Variants in SPPL2B observed in about 807,000 individuals in gnomAD.
SPPL2B encodes the protein signal peptide peptidase like 2B, also known as signal peptide peptidase-like 2B.
In SPPL2B, 39 loss-of-function variants were observed where a neutral mutation model predicts 59.7. The observed-to-expected ratio is 0.65, with a 90% CI of 0.51 to 0.85. The LOEUF (loss-of-function observed/expected upper bound fraction) is 0.85. SPPL2B is among the 40% of genes least tolerant of loss of function. The probability of loss-of-function intolerance (pLI) is 0.00; values close to 1 mark genes in which losing one functional copy is unlikely to be tolerated. For synonymous variants in SPPL2B, 419 were observed against 370.8 expected (o/e 1.13, Z -1.49); for missense variants, 865 against 849.0 (o/e 1.02, Z -0.23).
At position 2,354,073 on chromosome 19, in the gene SPPL2B, C is replaced by T. The variant is rs1348988728; in HGVS notation, c.*864C>T. The stretch of plus-strand genomic sequence containing the variant: ...GGGAGGGACTGGGTCGTGGGAGGTC[C>T]TGGTAGCTCCCGGCACCCAACCTCG... On this transcript the variant is annotated 3_prime_UTR_variant, in exon 15 of 15. Transcript: ENST00000613503. 1 of 152,250 alleles carries T rather than the reference C, an allele frequency of 6.6e-6. No homozygotes were observed. Among genetic ancestry groups the T allele is most frequent in the Non-Finnish European group, 1.5e-5 (1 of 68,062 alleles). The allele number at this position is 152,250 out of a possible 1,614,324, so 9.4% of individuals were successfully genotyped here.
At position 2,343,254 on chromosome 19, in the gene SPPL2B, C is replaced by G. The variant is rs187824027; in HGVS notation, c.1000C>G (p.Leu334Val). The change falls in exon 9 of 15, where the codon CTC (leucine) becomes GTC (valine). Residue 334 changes from leucine to valine, a missense_variant. Coordinates refer to ENST00000613503, the MANE Select transcript of SPPL2B (RefSeq NM_152988.3). ...LQDALGIAFCLYMLKTIRLPT... is the reference protein window; with the variant it reads ...LQDALGIAFCVYMLKTIRLPT... ...GGATGCCCTGGGCATCGCCTTCTGC[C>G]TCTACATGCTGAAGACCATCCGTCT... 3 of 1,556,500 alleles carry G rather than the reference C, an allele frequency of 1.9e-6. No individual in the cohort carries two copies. The highest frequency in any genetic ancestry group is 2.6e-6 in the Non-Finnish European group (3 of 1,149,658).
At position 2,351,508 on chromosome 19, in the gene SPPL2B, C is replaced by T. The variant is rs753145354; in HGVS notation, c.1429C>T (p.Leu477=). Reference sequence around the variant, plus strand: ...GCGTGGCCAGCCCGCTCTCCTCTACCTGGTGCCCTGCACGCTGGTGACGAG... The same window carrying T: ...GCGTGGCCAGCCCGCTCTCCTCTACTTGGTGCCCTGCACGCTGGTGACGAG... ...MQRGQPALLY[L]VPCTLVTSCA... is the part of the protein sequence containing the mutation. Residue 477 remains leucine, a synonymous_variant, in exon 14 of 15, where the codon CTG becomes TTG. Coordinates refer to ENST00000613503, the MANE Select transcript of SPPL2B (RefSeq NM_152988.3). 9 of 1,611,138 alleles carry T rather than the reference C, an allele frequency of 5.6e-6. No individual in the cohort carries two copies. The highest frequency in any genetic ancestry group is 5.5e-5 in the South Asian group (5 of 91,066).
At chr19:2,349,388 T>A in intron 13 of SPPL2B, among the ~76,000 whole-genome samples, 1 of 96,386 alleles carries the variant, frequency 1.0e-5, no homozygotes, top group African/African-American at 4.2e-5. Context: ...CCGTTCTCTC[T>A]CTCCACACAC....
intron 14 of SPPL2B, among the ~76,000 whole-genome samples, chr19:2,351,896 G>A (rs1231956909): frequency 2.6e-5 from 4 of 152,000 alleles, no homozygotes; most frequent in Non-Finnish European, 4.4e-5. Flanking sequence ...GCTGGGACTC[G>A]GGGGTGCCAT....
At chr19:2,345,445 C>T (rs1969310956) in intron 13 of SPPL2B, 115 bp downstream of exon 13, 3 of 855,484 alleles carry the variant, frequency 3.5e-6, no homozygotes, top group East Asian at 2.6e-5. Flanking sequence ...CTAATTCCAA[C>T]TCTAACACCG....
At chr19:2,340,302 C>T (rs1968950970) in intron 7 of SPPL2B, 130 bp downstream of exon 7, 4 of 749,324 alleles carry the variant, frequency 5.3e-6, no homozygotes, top group Non-Finnish European at 8.4e-6. Flanking sequence ...TCAGTGCTGG[C>T]CTGGGGCTCC....
intron 14 of SPPL2B, among the ~76,000 whole-genome samples, chr19:2,352,638 A>G (rs1368424399): frequency 6.6e-6 from 1 of 152,114 alleles, no homozygotes; most frequent in African/African-American, 2.4e-5. Context: ...CAGAAGGTTC[A>G]GGAGAAGCCG....
Position 2,343,999 on chromosome 19 carries a change from A to G in SPPL2B, c.1073A>G (p.Tyr358Cys). ...CTLLLLVLFLYDIFFVFITPF... is the reference protein window; with the variant it reads ...CTLLLLVLFLCDIFFVFITPF... ...CTGCTGCTGCTGGTGCTGTTCCTCT[A>G]CGACATCTTCTTCGTGTTCATCACG... The change falls in exon 10 of 15, where the codon TAC becomes TGC. Residue 358 changes from tyrosine to cysteine, a missense_variant. Tyr to Cys is a radical substitution (Grantham distance 194, BLOSUM62 -2). Coordinates refer to ENST00000613503, the MANE Select transcript of SPPL2B (RefSeq NM_152988.3). The G allele has an allele frequency of 6.5e-7, 1 of 1,548,226 alleles. No individual in the cohort carries two copies. Among genetic ancestry groups the G allele is most frequent in the Non-Finnish European group, 8.7e-7 (1 of 1,146,630 alleles).
At chr19:2,338,647 C>G (rs376978924) in intron 3 of SPPL2B, 105 bp from the exon 4 acceptor site, 1 of 742,140 alleles carries the variant, frequency 1.3e-6, no homozygotes, top group Non-Finnish European at 2.2e-6. Flanking sequence ...CAGCCTGACC[C>G]GAGCCTCGAG....
chr19:2,340,254 TG>T (rs1444242031), intron 7 of SPPL2B, 82 bp downstream of exon 7: 53 of 1,089,612 alleles, frequency 4.9e-5, no homozygotes, highest in Non-Finnish European at 6.3e-5. Context: ...TAGCCCCCCA[TG>T]GTGCAATATT....
At chr19:2,345,941 G>T (rs956318401) in intron 13 of SPPL2B, among the ~76,000 whole-genome samples, 35 of 152,070 alleles carry the variant, frequency 2.3e-4, no homozygotes, top group African/African-American at 8.2e-4. Flanking sequence ...CTGGGCCTGT[G>T]CCTCCGTCCC....
At chr19:2,350,489 G>A (rs932674577) in intron 13 of SPPL2B, among the ~76,000 whole-genome samples, 1 of 150,732 alleles carries the variant, frequency 6.6e-6, no homozygotes, top group East Asian at 1.9e-4. Context: ...GCTTTCATTC[G>A]CTTGATTCCA....
rs747351384 is a variant in SPPL2B at position 2,339,173 on chromosome 19, C to T, written c.564C>T (p.Ile188=). Residue 188 remains isoleucine, a synonymous_variant, in exon 5 of 15, where the codon ATC becomes ATT. Transcript: ENST00000613503. ...IFIMAVGTVA[I]GGYWAGSRDV... The stretch of plus-strand genomic sequence containing the variant: ...TCATGGCTGTGGGCACCGTCGCCAT[C>T]GGCGGCTACTGGGCCGGGAGTCGGG... 1.5e-5 allele frequency: 24 copies of T among 1,604,498 alleles called. No individual in the cohort carries two copies. The highest frequency in any genetic ancestry group is 2.0e-5 in the Non-Finnish European group (23 of 1,175,838).
chr19:2,337,922 C>T, intron 3 of SPPL2B: 1 of 322,890 alleles, frequency 3.1e-6, no homozygotes. Flanking sequence ...AGACCACACT[C>T]TCTGTGGGGA....
chr19:2,341,171 C>T (rs1969020407), intron 8 of SPPL2B, 157 bp downstream of exon 8: 1 of 708,344 alleles, frequency 1.4e-6, no homozygotes, highest in Admixed American at 2.0e-5. Flanking sequence ...GCTGCTCTGA[C>T]AGGGCTGCGA....
At chr19:2,331,480 A>G (rs1210794530) in intron 1 of SPPL2B, among the ~76,000 whole-genome samples, 3 of 152,092 alleles carry the variant, frequency 2.0e-5, no homozygotes, top group African/African-American at 7.2e-5. Flanking sequence ...GGCCTTTGGA[A>G]GAATTGTTCC....
In SPPL2B at chr19:2,328,684, G is replaced by C; in HGVS notation, c.-26G>C. 1 of 1,449,228 alleles carries C rather than the reference G, an allele frequency of 6.9e-7. No individual in the cohort carries two copies. Among genetic ancestry groups the C allele is most frequent in the Non-Finnish European group, 9.0e-7 (1 of 1,109,856 alleles). 89.8% of individuals were successfully genotyped at this position (1,449,228 alleles called of 1,614,324 possible). ...GGGGCGTTGCTGGGAAACATCTGCC[G>C]TTGGTTGCGGCGGGCACCGGCCGAC... On this transcript the variant is annotated 5_prime_UTR_variant, in exon 1 of 15. Transcript: ENST00000613503.
chr19:2,345,266 C>T lies in SPPL2B; in HGVS notation c.1290C>T (p.Ala430=). ...GDILVPGLLV[A]YCHRFDIQVQ... The stretch of plus-strand genomic sequence containing the variant: ...TGCCTCCCCCAGGGCTGCTGGTGGC[C>T]TACTGCCACAGGTTTGACATCCAGG... The change falls in exon 13 of 15, where the codon GCC becomes GCT. Residue 430 remains alanine (A), a synonymous_variant. Transcript: ENST00000613503. 1 of 1,612,972 alleles carries T rather than the reference C, an allele frequency of 6.2e-7. No individual in the cohort carries two copies.
rs757511443 is a variant in SPPL2B, at chr19:2,351,375, G to A, written c.1355-59G>A. 29 of 1,411,146 alleles carry A rather than the reference G, an allele frequency of 2.1e-5. 1 individual carries two copies. The highest frequency in any genetic ancestry group is 1.1e-4 in the Admixed American group (6 of 53,824). 87.4% of individuals were successfully genotyped at this position (1,411,146 alleles called of 1,614,324 possible). A position where few individuals can be genotyped will look rare whatever the true frequency, so the allele number is the denominator to read the frequency against. On this transcript the variant is annotated intron_variant, in intron 13 of 14. Transcript: ENST00000613503. ...CCCAGCCCGCTCACGTTCTTCCCAG[G>A]GAAATGGGTGGTGGCCCTGGCCTGC...
Sources: gnomAD v4.1 joint callset for allele counts (sites outside exome capture counted in the v4.1 genomes callset) on GRCh38, gnomAD v4.1.1 for gene constraint, MANE v1.5 for transcripts, NCBI Gene and HGNC (gene_info 2026-07-23, HGNC 2026-07-21) for gene names.